ARL6IP6: variants seen among roughly 807,000 people sequenced by gnomAD.
ARL6IP6 encodes ADP-ribosylation factor-like protein 6-interacting protein 6.
ARL6IP6 carries 22 observed loss-of-function variants against 21.5 expected under a neutral mutation model. The ratio of observed to expected loss-of-function variants is 1.02; its 90% confidence interval spans 0.73 to 1.46. ARL6IP6 has a LOEUF of 1.46. ARL6IP6 is among the 40% of genes most tolerant of loss of function. The pLI is 0.00. For synonymous variants in ARL6IP6, 164 were observed against 125.3 expected (o/e 1.31, Z -2.06); for missense variants, 388 against 299.8 (o/e 1.29, Z -2.17).
At chr2:152,729,382 ATCATT>A (rs1269013232) in intron 2 of ARL6IP6, among the ~76,000 whole-genome samples, 3 of 152,150 alleles carry the variant, frequency 2.0e-5, no homozygotes, top group Admixed American at 1.3e-4. Context: ...ATGCACACAC[ATCATT>A]TCATCAACTG....
intron 1 of ARL6IP6, chr2:152,719,783 C>CT: frequency 7.5e-6 from 2 of 268,138 alleles, no homozygotes; most frequent in South Asian, 3.5e-5. Context: ...AACAAAAGAA[C>CT]TTTGTTGTAT....
rs960869029 is a variant in ARL6IP6 at position 152,755,831 on chromosome 2, C to T, written c.588-3916C>T. On this transcript the variant is annotated intron_variant, in intron 3 of 3. Transcript: ENST00000326446. ...TTGTGTCTTTATTTCTGCACTCTCT[C>T]ATCTCCACAAATGGGGAGAAAACCC... Among the ~76,000 whole-genome samples, 3 of 152,232 alleles carry T rather than the reference C, an allele frequency of 2.0e-5. No homozygotes were observed. In the East Asian group the frequency reaches 5.8e-4, roughly 29 times the overall value.
At position 152,720,555 on chromosome 2, in the gene ARL6IP6, A is replaced by C; in HGVS notation, c.423A>C (p.Lys141Asn). 2 of 1,614,140 alleles carry C rather than the reference A, an allele frequency of 1.2e-6. No individual in the cohort carries two copies. Among genetic ancestry groups the C allele is most frequent in the Non-Finnish European group, 1.7e-6 (2 of 1,179,988 alleles). Residue 141 changes from lysine (K) to asparagine (N), a missense_variant, in exon 2 of 4, where the codon AAA becomes AAC. Transcript: ENST00000326446. ...IVKELHAENLKNEDDVDTGLL... is the reference protein window; with the variant it reads ...IVKELHAENLNNEDDVDTGLL... ...CAGAGTTGCATGCTGAGAATTTGAA[A>C]AATGAAGATGATGTAGACACTGGAC...
intron 1 of ARL6IP6, chr2:152,720,186 C>G (rs553274210): frequency 3.9e-5 from 13 of 336,652 alleles, no homozygotes; most frequent in African/African-American, 2.8e-4. Flanking sequence ...GTCACAAAAC[C>G]ATGATAAGTG....
intron 2 of ARL6IP6, 135 bp downstream of exon 2, chr2:152,720,721 A>T (rs756085479): frequency 9.1e-6 from 7 of 768,198 alleles, no homozygotes; most frequent in Non-Finnish European, 1.5e-5. Context: ...TAATTTGCAT[A>T]TGTTGGTGAT....
chr2:152,723,958 A>G (rs1165096847), intron 2 of ARL6IP6, among the ~76,000 whole-genome samples: 1 of 151,130 alleles, frequency 6.6e-6, no homozygotes, highest in Non-Finnish European at 1.5e-5. Flanking sequence ...TTGAACCTAT[A>G]CTCTATTAAG....
chr2:152,745,016 A>G (rs1479117704), intron 3 of ARL6IP6, among the ~76,000 whole-genome samples: 1 of 152,126 alleles, frequency 6.6e-6, no homozygotes, highest in Non-Finnish European at 1.5e-5. Context: ...AGCGTTCTGT[A>G]TGTAATTAGA....
At chr2:152,737,578 T>A (rs1007712840) in intron 3 of ARL6IP6, among the ~76,000 whole-genome samples, 1 of 152,114 alleles carries the variant, frequency 6.6e-6, no homozygotes, top group Admixed American at 6.6e-5. Flanking sequence ...TGGGGAGGCC[T>A]CACAATTATG....
chr2:152,725,720 T>C (rs1488909576), intron 2 of ARL6IP6, among the ~76,000 whole-genome samples: 1 of 152,136 alleles, frequency 6.6e-6, no homozygotes, highest in Non-Finnish European at 1.5e-5. Context: ...GGAAGTGGTA[T>C]TTACAAGATG....
intron 3 of ARL6IP6, among the ~76,000 whole-genome samples, chr2:152,744,085 T>A (rs1035531844): frequency 1.1e-4 from 17 of 152,168 alleles, no homozygotes; most frequent in African/African-American, 4.1e-4. Flanking sequence ...ACCTTGAGTA[T>A]AACTCTGTTC....
At chr2:152,753,378 C>G (rs1198443486) in intron 3 of ARL6IP6, among the ~76,000 whole-genome samples, 1 of 152,162 alleles carries the variant, frequency 6.6e-6, no homozygotes, top group African/African-American at 2.4e-5. Context: ...CATACATACG[C>G]TCAGAAACAT....
rs1331540645 is a variant in ARL6IP6, at chr2:152,718,853, G to C, written c.229G>C (p.Gly77Arg). Residue 77 changes from glycine (G) to arginine (R), a missense_variant, in exon 1 of 4, where the codon GGG becomes CGG. Coordinates refer to ENST00000326446, the MANE Select transcript of ARL6IP6 (RefSeq NM_152522.7). The part of the protein sequence containing the change: ...PRKRSVLPPD[G>R]NGSPVLPDKR... ...AAAGCGCTCGGTGCTCCCGCCGGAC[G>C]GGAACGGGTCGCCCGTTCTGCCCGA... 1.2e-6 allele frequency: 2 copies of C among 1,612,780 alleles called. No individual in the cohort carries two copies. The highest frequency in any genetic ancestry group is 1.7e-6 in the Non-Finnish European group (2 of 1,179,314).
At chr2:152,752,199 T>C (rs1000010697) in intron 3 of ARL6IP6, among the ~76,000 whole-genome samples, 1 of 152,220 alleles carries the variant, frequency 6.6e-6, no homozygotes, top group African/African-American at 2.4e-5. Context: ...CAAACCCCTC[T>C]ACCCTTCTGT....
chr2:152,718,410 A>G, upstream of ARL6IP6: 1 of 561,392 alleles, frequency 1.8e-6, no homozygotes, highest in Non-Finnish European at 2.7e-6. Flanking sequence ...TTCCGGCTAC[A>G]GCCCTGGGGT....
chr2:152,717,677 C>G, upstream of ARL6IP6: 1 of 1,413,034 alleles, frequency 7.1e-7, no homozygotes, highest in South Asian at 1.5e-5. Flanking sequence ...GCGCCGAGTC[C>G]TCCGTCGGGA....
At chr2:152,729,420 G>C (rs922682690) in intron 2 of ARL6IP6, among the ~76,000 whole-genome samples, 1 of 152,182 alleles carries the variant, frequency 6.6e-6, no homozygotes, top group African/African-American at 2.4e-5. Context: ...CTGTAGAGAA[G>C]AACGAAGGAT....
chr2:152,734,763 C>T (rs967934020), intron 2 of ARL6IP6, among the ~76,000 whole-genome samples: 1 of 152,128 alleles, frequency 6.6e-6, no homozygotes, highest in Non-Finnish European at 1.5e-5. Flanking sequence ...TTTTTTCCCA[C>T]GTATTATCAT....
chr2:152,756,543 A>G (rs1324996491), intron 3 of ARL6IP6, among the ~76,000 whole-genome samples: 1 of 152,176 alleles, frequency 6.6e-6, no homozygotes, highest in Non-Finnish European at 1.5e-5. Flanking sequence ...ACACACCATA[A>G]TAAACATTAT....
At chr2:152,739,377 C>T (rs983657003) in intron 3 of ARL6IP6, among the ~76,000 whole-genome samples, 1 of 152,212 alleles carries the variant, frequency 6.6e-6, no homozygotes, top group Non-Finnish European at 1.5e-5. Context: ...TCATCTCTCT[C>T]AAGTTCGAAG....
Sources: gnomAD v4.1 joint callset for allele counts (sites outside exome capture counted in the v4.1 genomes callset) on GRCh38, gnomAD v4.1.1 for gene constraint, MANE v1.5 for transcripts, NCBI Gene and HGNC (gene_info 2026-07-23, HGNC 2026-07-21) for gene names.